Variants in PRKDC observed in about 807,000 individuals in gnomAD.
The protein encoded by PRKDC is DNA-dependent protein kinase catalytic subunit.
Under a neutral mutation model 486.9 loss-of-function variants are expected in PRKDC, and 82 were observed. The ratio of observed to expected loss-of-function variants is 0.17; its 90% CI spans 0.14 to 0.20. The LOEUF (loss-of-function observed/expected upper bound fraction) is 0.20, where lower values mean the gene tolerates loss of function less well. Among genes scored for constraint, PRKDC ranks in the 10% least tolerant of loss-of-function variants. The probability of loss-of-function intolerance (pLI) is 1.00; values close to 1 mark genes in which losing one functional copy is unlikely to be tolerated. For synonymous variants in PRKDC, 1,895 were observed against 1,837.0 expected (o/e 1.03, Z -0.81); for missense variants, 4,504 against 5,038.2 (o/e 0.89, Z 3.21).
In PRKDC at chr8:47,923,557, G is replaced by A. The variant is rs960226160; in HGVS notation, c.2419+3637C>T. On this transcript the variant is annotated intron_variant, in intron 21 of 85. Coordinates refer to ENST00000314191, the MANE Select transcript of PRKDC (RefSeq NM_006904.7). ...GGCCCACAAGTCCTACTGCTAGTCA[G>A]TGGGCAAAGAAGGGCTCTACCAGGT... Among the ~76,000 whole-genome samples, 3 of 152,212 alleles carry A rather than the reference G, an allele frequency of 2.0e-5. No homozygotes were observed. In the South Asian group the frequency reaches 6.2e-4, roughly 31 times the overall value.
chr8:47,913,507 C>T (rs1490628866), intron 24 of PRKDC, among the ~76,000 whole-genome samples: 2 of 152,104 alleles, frequency 1.3e-5, no homozygotes, highest in Admixed American at 1.3e-4. Context: ...AACGATTCTC[C>T]TGCCTCAGCC....
chr8:47,908,396 T>A (rs72647914), intron 25 of PRKDC, among the ~76,000 whole-genome samples: 5,235 of 152,342 alleles, frequency 0.034, 122 homozygotes, highest in Middle Eastern at 0.068. Flanking sequence ...CATGTTACAA[T>A]GTTGGTTTTG....
intron 25 of PRKDC, among the ~76,000 whole-genome samples, chr8:47,909,872 G>A (rs1463589098): frequency 2.6e-5 from 4 of 152,076 alleles, no homozygotes; most frequent in Admixed American, 6.5e-5. Flanking sequence ...GTCTGCCCTC[G>A]AACCCTGTTT....
At position 47,936,340 on chromosome 8, in the gene PRKDC, T is replaced by G; in HGVS notation, c.1278+13A>C. 1 of 1,597,938 alleles carries G rather than the reference T, an allele frequency of 6.3e-7. No individual in the cohort carries two copies. The highest frequency in any genetic ancestry group is 1.1e-5 in the South Asian group (1 of 88,742). On this transcript the variant is annotated intron_variant, in intron 12 of 85. Coordinates refer to ENST00000314191, the MANE Select transcript of PRKDC (RefSeq NM_006904.7). The stretch of plus-strand genomic sequence containing the variant: ...TTAAATACTTAAAATTGTGCTCAGT[T>G]TAGTTCACTTACTGTGTCAAGGTAC...
intron 21 of PRKDC, among the ~76,000 whole-genome samples, chr8:47,921,527 T>C (rs1199494575): frequency 6.6e-6 from 1 of 152,128 alleles, no homozygotes; most frequent in Non-Finnish European, 1.5e-5. Context: ...TTTATGTGCT[T>C]TTCCTTTTTG....
intron 61 of PRKDC, among the ~76,000 whole-genome samples, chr8:47,829,398 C>T (rs544012124): frequency 6.6e-6 from 1 of 152,148 alleles, no homozygotes; most frequent in Non-Finnish European, 1.5e-5. Flanking sequence ...CAATGGTTTA[C>T]ACTTAAGTTA....
chr8:47,909,174 C>G (rs1394691023), intron 25 of PRKDC, among the ~76,000 whole-genome samples: 3 of 152,226 alleles, frequency 2.0e-5, no homozygotes, highest in Non-Finnish European at 4.4e-5. Flanking sequence ...CCTGATGTTT[C>G]TTCTGTTGTG....
At chr8:47,777,270 G>A (rs530575384) in intron 84 of PRKDC, among the ~76,000 whole-genome samples, 6 of 151,990 alleles carry the variant, frequency 3.9e-5, no homozygotes, top group South Asian at 2.1e-4. Flanking sequence ...GTGCAGTGGC[G>A]TGATCTCGGC....
chr8:47,785,454 T>C (rs1331265309), intron 76 of PRKDC, 137 bp from the exon 77 acceptor site: 2 of 753,694 alleles, frequency 2.7e-6, no homozygotes, highest in African/African-American at 1.8e-5. Context: ...ATAGTTTTGG[T>C]TGGGCATGGT....
intron 81 of PRKDC, 61 bp downstream of exon 81, chr8:47,778,943 A>T: frequency 1.4e-6 from 2 of 1,462,770 alleles, no homozygotes; most frequent in Non-Finnish European, 1.9e-6. Context: ...ATCAAAAGAA[A>T]ACATGCAATT....
chr8:47,837,417 A>G lies in PRKDC; in HGVS notation c.7556T>C (p.Leu2519Ser), dbSNP rs767043347. 5.6e-6 allele frequency: 9 copies of G among 1,598,380 alleles called. No individual in the cohort carries two copies. The highest frequency in any genetic ancestry group is 6.9e-6 in the Non-Finnish European group (8 of 1,166,306). Residue 2519 changes from leucine (L) to serine (S), a missense_variant and splice_region_variant, in exon 57 of 86, where the codon TTA (leucine) becomes TCA (serine). Leu to Ser is a moderately radical substitution (Grantham distance 145). This residue lies in a region of PRKDC where 1,592 missense variants were observed against 1,724.6 expected (regional missense o/e 0.92). Transcript: ENST00000314191. ...GLIDENPGLQ[L>S]IIRNFWSHET... ...ATGGCTCCAGAAATTTCGAATAATT[A>G]ATCTGAAAAGCAAAGAGAAAAAAGT...
intron 31 of PRKDC, among the ~76,000 whole-genome samples, chr8:47,890,936 A>G (rs554196780): frequency 5.3e-5 from 8 of 152,332 alleles, no homozygotes; most frequent in African/African-American, 1.7e-4. Flanking sequence ...TAATGAAAAA[A>G]TAAAAAATCC....
chr8:47,919,632 C>T (rs1402098033), intron 21 of PRKDC, among the ~76,000 whole-genome samples: 1 of 152,002 alleles, frequency 6.6e-6, no homozygotes, highest in Non-Finnish European at 1.5e-5. Flanking sequence ...TAGCTCTGCT[C>T]TCTCTAGCTA....
At chr8:47,908,925 A>ACTCT (rs1321829826) in intron 25 of PRKDC, among the ~76,000 whole-genome samples, 1 of 151,970 alleles carries the variant, frequency 6.6e-6, no homozygotes, top group East Asian at 1.9e-4. Flanking sequence ...CCTTACCCTA[A>ACTCT]CTCTAGTCAG....
rs748138643 is a variant in PRKDC, at chr8:47,800,867, G to A, written c.10042C>T (p.Leu3348Phe). 33 of 1,613,522 alleles carry A rather than the reference G, an allele frequency of 2.0e-5. No individual in the cohort carries two copies. The highest frequency in any genetic ancestry group is 2.7e-5 in the Non-Finnish European group (32 of 1,179,786). ...ANALSSEPAC[L>F]AEIEEDKARR... The stretch of plus-strand genomic sequence containing the variant: ...GCCTTGTCCTCCTCGATTTCAGCAA[G>A]GCAGGCTGGCTCACTGCTGAGAGCA... Residue 3348 changes from leucine (L) to phenylalanine (F), a missense_variant, in exon 71 of 86, where the codon CTT (leucine) becomes TTT (phenylalanine). Leu to Phe is a conservative substitution (Grantham distance 22). Around this residue, in one of 6 missense-constraint regions of PRKDC, gnomAD observed 1,592 missense variants for 1,724.6 expected, o/e 0.92. Coordinates refer to ENST00000314191, the MANE Select transcript of PRKDC (RefSeq NM_006904.7).
intron 40 of PRKDC, among the ~76,000 whole-genome samples, chr8:47,868,600 A>G (rs563181200): frequency 6.6e-6 from 1 of 152,134 alleles, no homozygotes; most frequent in Non-Finnish European, 1.5e-5. Flanking sequence ...ATAAAATTCA[A>G]TGGAAGGAGT....
At chr8:47,940,284 G>C (rs937708860) in intron 10 of PRKDC, among the ~76,000 whole-genome samples, 1 of 152,224 alleles carries the variant, frequency 6.6e-6, no homozygotes, top group Non-Finnish European at 1.5e-5. Context: ...TGTCGTCTGA[G>C]AAGCAAATAG....
At chr8:47,909,089 G>A (rs934125954) in intron 25 of PRKDC, among the ~76,000 whole-genome samples, 1 of 152,114 alleles carries the variant, frequency 6.6e-6, no homozygotes, top group Non-Finnish European at 1.5e-5. Context: ...CCAGCCCCCA[G>A]GCAGTGTCTG....
intron 18 of PRKDC, 52 bp from the exon 19 acceptor site, chr8:47,929,230 A>T: frequency 7.9e-7 from 1 of 1,259,610 alleles, no homozygotes; most frequent in Non-Finnish European, 1.1e-6. Flanking sequence ...GGGAGACTGT[A>T]TCCCAATCCA....
Sources: allele counts gnomAD v4.1 joint callset (sites outside exome capture counted in the v4.1 genomes callset), GRCh38; gene constraint gnomAD v4.1.1; regional missense constraint gnomAD v4.1.1; transcripts MANE v1.5; gene names NCBI Gene and HGNC (gene_info 2026-07-23, HGNC 2026-07-21).